Variants in NUDT21 observed in about 807,000 individuals in gnomAD.
NUDT21 encodes the protein cleavage and polyadenylation specificity factor subunit 5.
In NUDT21, 5 loss-of-function variants were observed where a neutral mutation model predicts 29.8. The ratio of observed to expected loss-of-function variants is 0.17; its 90% CI spans 0.09 to 0.35. The LOEUF (loss-of-function observed/expected upper bound fraction) is 0.35, where lower values mean the gene tolerates loss of function less well. Ranked by LOEUF, NUDT21 falls within the 10% of genes least tolerant of loss-of-function variation. The pLI is 1.00. For synonymous variants in NUDT21, 113 were observed against 98.5 expected (o/e 1.15, Z -0.87); for missense variants, 76 against 276.0 (o/e 0.28, Z 5.13).
intron 4 of NUDT21, 46 bp from the exon 5 acceptor site, chr16:56,434,875 C>A (rs757922934): frequency 1.8e-6 from 2 of 1,120,142 alleles, no homozygotes; most frequent in South Asian, 1.3e-5. Context: ...TCCATGGCTT[C>A]ATTTCTTTAC....
chr16:56,438,695 G>C (rs984112275), intron 4 of NUDT21, among the ~76,000 whole-genome samples: 2 of 151,976 alleles, frequency 1.3e-5, no homozygotes, highest in Non-Finnish European at 2.9e-5. Context: ...CTATCAATTT[G>C]CAAGACACAC....
rs768534350 is a variant in NUDT21, at chr16:56,451,219, G to T, written c.-17C>A. The T allele has an allele frequency of 2.5e-6, 4 of 1,572,946 alleles. No individual in the cohort carries two copies. The South Asian group carries it at 4.6e-5, about 18-fold the overall frequency. ...CACAGACATGCTGGCGAGCTCCGGC[G>T]CTGACGGCGAGCAGAAAGTGGCAGG... is the stretch of plus-strand genomic sequence containing the variant. On this transcript the variant is annotated 5_prime_UTR_variant, in exon 1 of 7. Coordinates refer to ENST00000300291, the MANE Select transcript of NUDT21 (RefSeq NM_007006.3).
At chr16:56,450,032 T>A (rs1310411997) in intron 1 of NUDT21, among the ~76,000 whole-genome samples, 2 of 152,226 alleles carry the variant, frequency 1.3e-5, no homozygotes, top group African/African-American at 4.8e-5. Context: ...TCTTTTCAAC[T>A]TCAAATCACT....
intron 4 of NUDT21, among the ~76,000 whole-genome samples, chr16:56,437,646 T>C (rs1962118104): frequency 6.6e-6 from 1 of 152,224 alleles, no homozygotes; most frequent in Non-Finnish European, 1.5e-5. Flanking sequence ...ACATGGTTCC[T>C]GGTCCTTAAC....
chr16:56,443,396 A>T (rs1426092086), intron 3 of NUDT21, among the ~76,000 whole-genome samples: 4 of 152,118 alleles, frequency 2.6e-5, no homozygotes, highest in Non-Finnish European at 5.9e-5. Flanking sequence ...GGCTGGTCTC[A>T]AACTCCAGAC....
chr16:56,435,743 T>TA (rs1491361552), intron 4 of NUDT21, among the ~76,000 whole-genome samples: 8 of 27,058 alleles, frequency 3.0e-4, no homozygotes, highest in African/African-American at 8.5e-4. Flanking sequence ...AAAAAAAAAA[T>TA]TATATATATA....
At chr16:56,437,498 T>C (rs7189122) in intron 4 of NUDT21, among the ~76,000 whole-genome samples, 36,283 of 152,126 alleles carry the variant, frequency 0.24, 4,832 homozygotes, top group African/African-American at 0.36. Context: ...ACGCTACCTC[T>C]GATTTCGGGG....
chr16:56,433,831 C>T (rs1427512070), intron 6 of NUDT21, among the ~76,000 whole-genome samples: 3 of 152,032 alleles, frequency 2.0e-5, no homozygotes, highest in African/African-American at 7.2e-5. Flanking sequence ...GGATTAAAAG[C>T]GCTGGCCACC....
chr16:56,439,817 A>T (rs1962141051), intron 3 of NUDT21, 71 bp from the exon 4 acceptor site: 1 of 1,234,702 alleles, frequency 8.1e-7, no homozygotes, highest in Non-Finnish European at 1.2e-6. Flanking sequence ...CAGTGAACAG[A>T]AAATTCTTAG....
Position 56,429,651 on chromosome 16 carries a change from A to G in NUDT21, c.*3061T>C, listed in dbSNP as rs1213506140. On this transcript the variant is annotated 3_prime_UTR_variant, in exon 7 of 7. Coordinates refer to ENST00000300291, the MANE Select transcript of NUDT21 (RefSeq NM_007006.3). ...GTTTAACCCAAATAATCAGTGATGT[A>G]TAACAAGTGAAGTAAGTATGGGAAA... is the stretch of plus-strand genomic sequence containing the variant. The G allele has an allele frequency of 6.6e-6, 1 of 152,248 alleles. No individual in the cohort carries two copies. The highest frequency in any genetic ancestry group is 1.5e-5 in the Non-Finnish European group (1 of 68,054). The allele number at this position is 152,248 out of a possible 1,614,324, so 9.4% of individuals were successfully genotyped here.
intron 2 of NUDT21, 157 bp from the exon 3 acceptor site, chr16:56,446,846 A>C: frequency 1.9e-6 from 1 of 517,190 alleles, no homozygotes; most frequent in Non-Finnish European, 3.4e-6. Flanking sequence ...AATATGCTTG[A>C]ATTCATGTCA....
intron 3 of NUDT21, among the ~76,000 whole-genome samples, chr16:56,440,108 T>G (rs2143938685): frequency 6.6e-6 from 1 of 152,364 alleles, no homozygotes; most frequent in East Asian, 1.9e-4. Flanking sequence ...TCTGTCCTGC[T>G]TCACCCATTC....
chr16:56,430,815 C>CA lies in NUDT21; in HGVS notation c.*1896dup, dbSNP rs1328323442. 1 of 152,212 alleles carries CA rather than the reference C, an allele frequency of 6.6e-6. No individual in the cohort carries two copies. The highest frequency in any genetic ancestry group is 1.5e-5 in the Non-Finnish European group (1 of 68,038). 9.4% of individuals were successfully genotyped at this position (152,212 alleles called of 1,614,324 possible). A position where few individuals can be genotyped will look rare whatever the true frequency, so the allele number is the denominator to read the frequency against. On this transcript the variant is annotated 3_prime_UTR_variant, in exon 7 of 7. Transcript: ENST00000300291. ...GGTTAGTAACCCAGCCATCCTGAAT[C>CA]AAAGGTTTTTCTCAACTAGGCCTTA...
intron 3 of NUDT21, among the ~76,000 whole-genome samples, chr16:56,444,614 C>A (rs142747803): frequency 1.8e-3 from 204 of 116,552 alleles, no homozygotes; most frequent in African/African-American, 2.9e-3. Flanking sequence ...AAAAAAAAAA[C>A]AAAAACAAAA....
chr16:56,443,252 C>A (rs1250827797), intron 3 of NUDT21, among the ~76,000 whole-genome samples: 1 of 152,026 alleles, frequency 6.6e-6, no homozygotes, highest in East Asian at 1.9e-4. Context: ...TCTTGGCTCA[C>A]TGCAACCTCC....
rs368298061 is a variant in NUDT21, at chr16:56,447,999, G to A, written c.117-10C>T. 4.2e-5 allele frequency: 67 copies of A among 1,608,738 alleles called. No homozygotes were observed. In the African/African-American group the frequency reaches 5.2e-4, roughly 13 times the overall value. ...ATTGGTAAGAGGGTACCTGTGATCC[G>A]AAGACAAACATCTAACATGAGAACT... On this transcript the variant is annotated splice_polypyrimidine_tract_variant and intron_variant, in intron 1 of 6. Transcript: ENST00000300291.
chr16:56,448,024 T>C, intron 1 of NUDT21, 35 bp from the exon 2 acceptor site: 1 of 1,565,098 alleles, frequency 6.4e-7, no homozygotes, highest in Non-Finnish European at 8.8e-7. Context: ...ACATGAGAAC[T>C]GAAGAATGTA....
At chr16:56,440,278 A>C (rs779260964) in intron 3 of NUDT21, among the ~76,000 whole-genome samples, 17 of 152,214 alleles carry the variant, frequency 1.1e-4, no homozygotes, top group Non-Finnish European at 1.6e-4. Flanking sequence ...CATATACCCC[A>C]CACAGTTTCC....
At chr16:56,440,762 C>T (rs1048160031) in intron 3 of NUDT21, among the ~76,000 whole-genome samples, 1 of 151,964 alleles carries the variant, frequency 6.6e-6, no homozygotes, top group Admixed American at 6.6e-5. Context: ...TTTTTTGAGA[C>T]GGAGTTTTGC....
Sources: allele counts gnomAD v4.1 joint callset (sites outside exome capture counted in the v4.1 genomes callset), GRCh38; gene constraint gnomAD v4.1.1; transcripts MANE v1.5; gene names NCBI Gene and HGNC (gene_info 2026-07-23, HGNC 2026-07-21).